The following ZNF106 variants were observed in gnomAD, a reference collection of about 807,000 sequenced individuals.
The protein encoded by ZNF106 is zinc finger protein 106, also known as SH3-domain binding protein 3.
ZNF106 carries 67 observed loss-of-function variants against 195.1 expected under a neutral mutation model. The observed-to-expected ratio is 0.34, with a 90% CI of 0.28 to 0.42. ZNF106 has a LOEUF of 0.42. Among genes scored for constraint, ZNF106 ranks in the 10% least tolerant of loss-of-function variants. The pLI is 1.00. For missense variants in ZNF106, 2,118 were observed against 2,304.5 expected, an observed-to-expected ratio of 0.92 and a Z score of 1.66; for synonymous variants, 784 against 818.6, an observed-to-expected ratio of 0.96 and a Z score of 0.72.
Position 42,412,912 on chromosome 15 carries a change from G to A in ZNF106, c.*4392C>T, listed in dbSNP as rs902440871. 1 of 152,160 alleles carries A rather than the reference G, an allele frequency of 6.6e-6. No homozygotes were observed. Among genetic ancestry groups the A allele is most frequent in the East Asian group, 1.9e-4 (1 of 5,188 alleles). The allele number at this position is 152,160 out of a possible 1,614,324, so 9.4% of individuals were successfully genotyped here. A position where few individuals can be genotyped will look rare whatever the true frequency, so the allele number is the denominator to read the frequency against. ...GAAGTTCACAGCTTTATACCAAAAT[G>A]TAAGAAGGCTATTTGCTTATAAACA... On this transcript the variant is annotated 3_prime_UTR_variant, in exon 22 of 22. Transcript: ENST00000564754.
intron 3 of ZNF106, 134 bp from the exon 4 acceptor site, chr15:42,457,292 T>G: frequency 7.8e-6 from 12 of 1,528,906 alleles, no homozygotes; most frequent in Non-Finnish European, 1.1e-5. Flanking sequence ...TTAATTTCAA[T>G]GCTCCTTTCA....
chr15:42,421,541 A>G (rs2054658408), intron 19 of ZNF106, among the ~76,000 whole-genome samples: 1 of 152,222 alleles, frequency 6.6e-6, no homozygotes, highest in Non-Finnish European at 1.5e-5. Flanking sequence ...AACAAGGCTT[A>G]GCAGGGTTAC....
At chr15:42,438,580 G>A (rs1339239214) in intron 12 of ZNF106, 32 bp downstream of exon 12, 2 of 1,575,614 alleles carry the variant, frequency 1.3e-6, no homozygotes, top group Admixed American at 1.7e-5. Flanking sequence ...TTAATTCTGT[G>A]GTTAACTTAA....
At chr15:42,453,695 A>C (rs2056125385) in intron 4 of ZNF106, among the ~76,000 whole-genome samples, 1 of 151,654 alleles carries the variant, frequency 6.6e-6, no homozygotes, top group African/African-American at 2.4e-5. Flanking sequence ...TCTCGAGTTC[A>C]AGCGATTCTC....
In ZNF106 at chr15:42,490,968, G is replaced by A; in HGVS notation, c.-33+12C>T. On this transcript the variant is annotated intron_variant, in intron 1 of 21. Coordinates refer to ENST00000564754, the MANE Select transcript of ZNF106 (RefSeq NM_001366845.3). The stretch of plus-strand genomic sequence containing the variant: ...CGATACGCTCAACGCAGGCCGGCCC[G>A]TCGATACTCACATTCACAGCCAACC... 6.6e-6 allele frequency: 1 copy of A among 152,534 alleles called. No homozygotes were observed. Among genetic ancestry groups the A allele is most frequent in the Non-Finnish European group, 1.5e-5 (1 of 68,208 alleles). The allele number at this position is 152,534 out of a possible 1,614,324, so 9.4% of individuals were successfully genotyped here. A position where few individuals can be genotyped will look rare whatever the true frequency, so the allele number is the denominator to read the frequency against.
chr15:42,468,549 C>A (rs1007877088), intron 2 of ZNF106, among the ~76,000 whole-genome samples: 2 of 150,838 alleles, frequency 1.3e-5, no homozygotes, highest in South Asian at 4.2e-4. Context: ...TCGAGACCAG[C>A]CTGACCAACA....
chr15:42,418,451 T>C (rs1308606362), intron 20 of ZNF106, among the ~76,000 whole-genome samples: 1 of 141,686 alleles, frequency 7.1e-6, no homozygotes, highest in Non-Finnish European at 1.5e-5. Flanking sequence ...CTCTGCCCCC[T>C]GCCCCCTGGG....
chr15:42,427,358 C>A (rs2054896143), intron 15 of ZNF106, among the ~76,000 whole-genome samples: 1 of 152,158 alleles, frequency 6.6e-6, no homozygotes, highest in African/African-American at 2.4e-5. Flanking sequence ...GCACACAGGG[C>A]CATCAAAAAC....
intron 14 of ZNF106, among the ~76,000 whole-genome samples, chr15:42,429,001 G>A (rs1041686823): frequency 3.3e-5 from 5 of 151,270 alleles, no homozygotes; most frequent in South Asian, 4.2e-4. Context: ...TCCTGACCTC[G>A]TGATCTGCCC....
chr15:42,420,923 C>T lies in ZNF106; in HGVS notation c.5517+138G>A, dbSNP rs116616100. On this transcript the variant is annotated intron_variant, in intron 20 of 21. Coordinates refer to ENST00000564754, the MANE Select transcript of ZNF106 (RefSeq NM_001366845.3). ...AACAAAACCACCACCGAGGAGACAA[C>T]CTGTGATCTACAGTGTAAGGCATAA... 2,584 of 718,568 alleles carry T rather than the reference C, an allele frequency of 3.6e-3. 58 individuals carry two copies. The African/African-American group carries it at 0.04, about 11-fold the overall frequency. The allele number at this position is 718,568 out of a possible 1,614,324, so 44.5% of individuals were successfully genotyped here. A position where few individuals can be genotyped will look rare whatever the true frequency, so the allele number is the denominator to read the frequency against.
intron 1 of ZNF106, among the ~76,000 whole-genome samples, chr15:42,479,136 G>T (rs2056846749): frequency 6.6e-6 from 1 of 152,128 alleles, no homozygotes; most frequent in African/African-American, 2.4e-5. Context: ...TACTTTGGGA[G>T]GCCGAGGTGG....
Position 42,414,513 on chromosome 15 carries a change from A to T in ZNF106, c.*2791T>A, listed in dbSNP as rs1376549452. Reference sequence around the variant, plus strand: ...GTTCCCACACGTACACATACATACAAAGGAACCTGCACACTTGCACACACA... The same window carrying T: ...GTTCCCACACGTACACATACATACATAGGAACCTGCACACTTGCACACACA... On this transcript the variant is annotated 3_prime_UTR_variant, in exon 22 of 22. Coordinates refer to ENST00000564754, the MANE Select transcript of ZNF106 (RefSeq NM_001366845.3). 3 of 152,244 alleles carry T rather than the reference A, an allele frequency of 2.0e-5. No homozygotes were observed. Among genetic ancestry groups the T allele is most frequent in the East Asian group, 1.9e-4 (1 of 5,196 alleles). The allele number at this position is 152,244 out of a possible 1,614,324, so 9.4% of individuals were successfully genotyped here. A position where few individuals can be genotyped will look rare whatever the true frequency, so the allele number is the denominator to read the frequency against.
chr15:42,441,095 G>A (rs1384054792), intron 10 of ZNF106, among the ~76,000 whole-genome samples: 3 of 131,944 alleles, frequency 2.3e-5, no homozygotes, highest in African/African-American at 8.1e-5. Context: ...AGCACTTTGG[G>A]AGGCCAAGGC....
intron 1 of ZNF106, among the ~76,000 whole-genome samples, chr15:42,485,960 C>CT (rs34242148): frequency 0.23 from 31,453 of 137,340 alleles, 3,870 homozygotes; most frequent in African/African-American, 0.26. Flanking sequence ...ATTACTCTTT[C>CT]TTTTTTTTTT....
At position 42,417,761 on chromosome 15, in the gene ZNF106, C is replaced by A. The variant is rs188371308; in HGVS notation, c.5664+44G>T. 281 of 1,577,340 alleles carry A rather than the reference C, an allele frequency of 1.8e-4. 2 individuals carry two copies. The Admixed American group carries it at 5.1e-3, about 29-fold the overall frequency. On this transcript the variant is annotated intron_variant, in intron 21 of 21. Transcript: ENST00000564754. ...AAGGTTTGCTAGCCCCTGCTCTGAG[C>A]AGTCTACTGAATCCCAGGCAAACCT...
At chr15:42,430,172 T>C (rs958800934) in intron 14 of ZNF106, among the ~76,000 whole-genome samples, 2 of 152,062 alleles carry the variant, frequency 1.3e-5, no homozygotes, top group African/African-American at 4.8e-5. Flanking sequence ...TAGTGTACGG[T>C]CCTGCTATGC....
chr15:42,451,525 T>C lies in ZNF106; in HGVS notation c.747A>G (p.Lys249=), dbSNP rs2056030443. 1 of 1,614,090 alleles carries C rather than the reference T, an allele frequency of 6.2e-7. No individual in the cohort carries two copies. The highest frequency in any genetic ancestry group is 1.7e-5 in the Admixed American group (1 of 59,998). The change falls in exon 5 of 22, where the codon AAA becomes AAG. Residue 249 remains lysine (K), a synonymous_variant. Transcript: ENST00000564754. ...WHMNNSNGNW[K]SSVRSTNNWN... ...AATTATTTGTACTACGTACACTGGA[T>C]TTCCAGTTTCCGTTACTGTTGTTCA... is the stretch of plus-strand genomic sequence containing the variant.
intron 14 of ZNF106, among the ~76,000 whole-genome samples, chr15:42,433,613 G>A (rs1019899077): frequency 2.6e-5 from 4 of 151,426 alleles, no homozygotes; most frequent in African/African-American, 9.7e-5. Context: ...CTCCCGAGTA[G>A]CTGGGATTAC....
intron 6 of ZNF106, among the ~76,000 whole-genome samples, chr15:42,447,091 C>T (rs1021422698): frequency 6.6e-6 from 1 of 152,250 alleles, no homozygotes; most frequent in African/African-American, 2.4e-5. Flanking sequence ...GACAATCCCT[C>T]AGCTTGAAGT....
Sources: allele counts gnomAD v4.1 joint callset (sites outside exome capture counted in the v4.1 genomes callset), GRCh38; gene constraint gnomAD v4.1.1; transcripts MANE v1.5; gene names NCBI Gene and HGNC (gene_info 2026-07-23, HGNC 2026-07-21).